The following LFNG variants were observed in gnomAD, a reference collection of about 807,000 sequenced individuals.
LFNG encodes the protein beta-1,3-N-acetylglucosaminyltransferase lunatic fringe.
In LFNG, 15 loss-of-function variants were observed where a neutral mutation model predicts 32.7. The observed-to-expected ratio is 0.46, with a 90% CI of 0.31 to 0.71. LFNG has a LOEUF of 0.71. Ranked by LOEUF, LFNG falls within the 30% of genes least tolerant of loss-of-function variation. The probability of loss-of-function intolerance (pLI) is 0.06; values close to 1 mark genes in which losing one functional copy is unlikely to be tolerated. For missense variants in LFNG, 520 were observed against 545.7 expected, an observed-to-expected ratio of 0.95 and a Z score of 0.47; for synonymous variants, 274 against 246.8, an observed-to-expected ratio of 1.11 and a Z score of -1.03.
rs1227321103 is a variant in LFNG, at chr7:2,527,193, C to G, written c.1121C>G (p.Pro374Arg). 7 of 1,612,826 alleles carry G rather than the reference C, an allele frequency of 4.3e-6. No homozygotes were observed. The highest frequency in any genetic ancestry group is 5.1e-6 in the Non-Finnish European group (6 of 1,179,976). ...CHLYPDTPWC[P>R]RTAIF ...CTGTACCCGGACACACCCTGGTGTC[C>G]CCGCACTGCCATCTTCTAGTGGCCA... The change falls in exon 8 of 8, where the codon CCC becomes CGC. Residue 374 changes from proline (P) to arginine (R), a missense_variant. Physicochemically the swap from Pro to Arg is moderately radical, Grantham distance 103. Around this residue, in one of 3 missense-constraint regions of LFNG, gnomAD observed 150 missense variants for 159.9 expected, o/e 0.94. Coordinates refer to ENST00000222725, the MANE Select transcript of LFNG (RefSeq NM_001040167.2). This position sits in a 1 kb window ranked among gnomAD's most constrained non-coding sequence, Gnocchi z 4.4.
chr7:2,524,866 T>TA, intron 2 of LFNG, 123 bp downstream of exon 2: 1 of 920,800 alleles, frequency 1.1e-6, no homozygotes, highest in African/African-American at 1.6e-5. Flanking sequence ...GAGGGCAGTT[T>TA]ACTCATGGGG....
At position 2,519,851 on chromosome 7, in the gene LFNG, G is replaced by T; in HGVS notation, c.-11G>T. The T allele has an allele frequency of 9.2e-7, 1 of 1,081,352 alleles. No individual in the cohort carries two copies. Among genetic ancestry groups the T allele is most frequent in the Non-Finnish European group, 1.1e-6 (1 of 892,742 alleles). The allele number at this position is 1,081,352 out of a possible 1,614,324, so 67.0% of individuals were successfully genotyped here. A position where few individuals can be genotyped will look rare whatever the true frequency, so the allele number is the denominator to read the frequency against. ...ACGGGGAAGGGCGCGCCGCGCGGCC[G>T]CCACCCCACCATGCTCAAGCGCTGC... On this transcript the variant is annotated 5_prime_UTR_variant, in exon 1 of 8. Transcript: ENST00000222725.
rs934413059 is a variant in LFNG, at chr7:2,520,694, A to G, written c.432+401A>G. ...CAGCTCAGACCCCTTCCTGGGGAGA[A>G]AGGCTCTTCCTTTAGAGAAGTGAGG... is the stretch of plus-strand genomic sequence containing the variant. On this transcript the variant is annotated intron_variant, in intron 1 of 7. Transcript: ENST00000222725. This position sits in a 1 kb window ranked among gnomAD's most constrained non-coding sequence, Gnocchi z 5.0. Among the ~76,000 whole-genome samples the G allele has an allele frequency of 6.6e-6, 1 of 152,244 alleles. No individual in the cohort carries two copies. Among genetic ancestry groups the G allele is most frequent in the Non-Finnish European group, 1.5e-5 (1 of 68,042 alleles).
At chr7:2,518,592 G>C, upstream of LFNG, 2 of 1,610,256 alleles carry the variant, frequency 1.2e-6, no homozygotes, top group Non-Finnish European at 1.7e-6. Context: ...CTGACATTCA[G>C]GTAGAGGTAA....
chr7:2,527,419 G>T lies in LFNG; in HGVS notation c.*207G>T. 6.9e-7 allele frequency: 1 copy of T among 1,457,272 alleles called. No homozygotes were observed. The highest frequency in any genetic ancestry group is 9.1e-7 in the Non-Finnish European group (1 of 1,104,296). The allele number at this position is 1,457,272 out of a possible 1,614,324, so 90.3% of individuals were successfully genotyped here. On this transcript the variant is annotated 3_prime_UTR_variant, in exon 8 of 8. Coordinates refer to ENST00000222725, the MANE Select transcript of LFNG (RefSeq NM_001040167.2). The surrounding 1 kb of genome is among the most constrained non-coding windows in gnomAD (Gnocchi z 4.4). Reference sequence around the variant, plus strand: ...GCTCTGTGGAGGGGCGGGCACCAGCGCCACTTATGTGCCTCTGCTCCGAGG... The same window carrying T: ...GCTCTGTGGAGGGGCGGGCACCAGCTCCACTTATGTGCCTCTGCTCCGAGG...
intron 1 of LFNG, among the ~76,000 whole-genome samples, chr7:2,523,431 C>T (rs1362742279): frequency 6.6e-6 from 1 of 152,230 alleles, no homozygotes; most frequent in African/African-American, 2.4e-5. Context: ...GTTCCAGGGC[C>T]TCTGCGGGAC....
chr7:2,513,959 T>C (rs1270722507), upstream of LFNG, among the ~76,000 whole-genome samples: 2 of 152,244 alleles, frequency 1.3e-5, no homozygotes, highest in Admixed American at 1.3e-4. Context: ...CTGAGGCCCC[T>C]TGCTGTTCCT....
In LFNG at chr7:2,520,733, G is replaced by C. The variant is rs1264685671; in HGVS notation, c.432+440G>C. ...AGAGAAGTGAGGGGTTCTGACCTCT[G>C]GGCCCTTTCCTCATCACAGTGTTAA... is the stretch of plus-strand genomic sequence containing the variant. On this transcript the variant is annotated intron_variant, in intron 1 of 7. Coordinates refer to ENST00000222725, the MANE Select transcript of LFNG (RefSeq NM_001040167.2). The surrounding 1 kb of genome is among the most constrained non-coding windows in gnomAD (Gnocchi z 5.0). 6.6e-6 allele frequency among the ~76,000 whole-genome samples: 1 copy of C among 152,228 alleles called. No homozygotes were observed. Among genetic ancestry groups the C allele is most frequent in the Non-Finnish European group, 1.5e-5 (1 of 68,054 alleles).
At chr7:2,518,630 A>C (rs1347061158), upstream of LFNG, 11 of 1,606,682 alleles carry the variant, frequency 6.8e-6, no homozygotes, top group African/African-American at 4.0e-5. Context: ...GCACTTAAAG[A>C]ATTTAAAATG....
chr7:2,525,632 AC>A (rs1168816503), intron 4 of LFNG, 52 bp from the exon 5 acceptor site: 2 of 1,611,684 alleles, frequency 1.2e-6, no homozygotes, highest in Non-Finnish European at 1.7e-6. Flanking sequence ...TGGGGGTGGG[AC>A]CGTGAGGGGC....
chr7:2,527,056 G>A lies in LFNG; in HGVS notation c.1074-90G>A. 6.8e-7 allele frequency: 1 copy of A among 1,461,554 alleles called. No homozygotes were observed. Among genetic ancestry groups the A allele is most frequent in the Non-Finnish European group, 9.5e-7 (1 of 1,050,390 alleles). 90.5% of individuals were successfully genotyped at this position (1,461,554 alleles called of 1,614,324 possible). A position where few individuals can be genotyped will look rare whatever the true frequency, so the allele number is the denominator to read the frequency against. ...TGTCCCCCGGAGTCCTGCTTGCTCG[G>A]GGTGGGGCCGCCAGTGTTGTGGGAC... is the stretch of plus-strand genomic sequence containing the variant. On this transcript the variant is annotated intron_variant, in intron 7 of 7. Coordinates refer to ENST00000222725, the MANE Select transcript of LFNG (RefSeq NM_001040167.2). This position sits in a 1 kb window ranked among gnomAD's most constrained non-coding sequence, Gnocchi z 4.4.
At chr7:2,524,608 A>G in intron 1 of LFNG, 87 bp from the exon 2 acceptor site, 1 of 1,287,180 alleles carries the variant, frequency 7.8e-7, no homozygotes. Context: ...AGCTGCAGCA[A>G]CTCCAGGGCG....
intron 1 of LFNG, among the ~76,000 whole-genome samples, chr7:2,524,022 T>C (rs1363826630): frequency 6.6e-6 from 1 of 152,106 alleles, no homozygotes; most frequent in Non-Finnish European, 1.5e-5. Context: ...CCAGGCCAGC[T>C]GTATGGTAAT....
Position 2,526,763 on chromosome 7 carries a change from C to T in LFNG, c.988-73C>T. On this transcript the variant is annotated intron_variant, in intron 6 of 7. Transcript: ENST00000222725. The surrounding 1 kb of genome is among the most constrained non-coding windows in gnomAD (Gnocchi z 6.9). ...GGCAGGGCCGTTGCCTCACTCAGGG[C>T]TGTGTGGCCAGCCTGGGGCGGGGCC... 2 of 1,425,172 alleles carry T rather than the reference C, an allele frequency of 1.4e-6. No homozygotes were observed. The highest frequency in any genetic ancestry group is 2.0e-6 in the Non-Finnish European group (2 of 1,013,098). 88.3% of individuals were successfully genotyped at this position (1,425,172 alleles called of 1,614,324 possible).
At chr7:2,517,782 G>C, upstream of LFNG, 1 of 878,350 alleles carries the variant, frequency 1.1e-6, no homozygotes, top group African/African-American at 1.7e-5. Context: ...GAGGGATTGG[G>C]CCTCAAGAAA....
rs1328901551 is a variant in LFNG, at chr7:2,524,502, C to T, written c.433-193C>T. ...GGGCGAGTGAATGCGTGAGCTCTGG[C>T]CCAGATGGCACTGAGATGGGGCACT... On this transcript the variant is annotated intron_variant, in intron 1 of 7. Coordinates refer to ENST00000222725, the MANE Select transcript of LFNG (RefSeq NM_001040167.2). 5 of 654,552 alleles carry T rather than the reference C, an allele frequency of 7.6e-6. No homozygotes were observed. In the African/African-American group the frequency reaches 8.9e-5, roughly 12 times the overall value. The allele number at this position is 654,552 out of a possible 1,614,324, so 40.5% of individuals were successfully genotyped here.
At chr7:2,521,489 C>T (rs1056427892) in intron 1 of LFNG, among the ~76,000 whole-genome samples, 1 of 152,240 alleles carries the variant, frequency 6.6e-6, no homozygotes. Context: ...CTACGCGCTC[C>T]GTGGGAACCG....
At chr7:2,514,954 T>C (rs13244890), upstream of LFNG, among the ~76,000 whole-genome samples, 4 of 142,152 alleles carry the variant, frequency 2.8e-5, no homozygotes, top group Non-Finnish European at 4.6e-5. Flanking sequence ...ATCTATCCAT[T>C]CATCCATCTA....
In LFNG at chr7:2,525,560, A is replaced by C; in HGVS notation, c.728A>C (p.Asn243Thr). Residue 243 changes from asparagine to threonine, a missense_variant, in exon 4 of 8, where the codon AAC (asparagine) becomes ACC (threonine). Physicochemically the swap from Asn to Thr is moderately conservative, Grantham distance 65 (BLOSUM62 0). Around this residue, in one of 3 missense-constraint regions of LFNG, gnomAD observed 360 missense variants for 354.7 expected, o/e 1.01. Coordinates refer to ENST00000222725, the MANE Select transcript of LFNG (RefSeq NM_001040167.2). Reference protein sequence around the residue: ...PIQAMERVSENKVRPVHFWFA... With the variant: ...PIQAMERVSETKVRPVHFWFA... Reference sequence around the variant, plus strand: ...CAGGCCATGGAGCGGGTCAGCGAGAACAAGGTGGTGAGTGCCTGCCCCTCC... The same window carrying C: ...CAGGCCATGGAGCGGGTCAGCGAGACCAAGGTGGTGAGTGCCTGCCCCTCC... The C allele has an allele frequency of 4.3e-6, 7 of 1,612,432 alleles. No individual in the cohort carries two copies. Among genetic ancestry groups the C allele is most frequent in the Non-Finnish European group, 5.9e-6 (7 of 1,179,822 alleles).
Sources: gnomAD v4.1 joint callset for allele counts (sites outside exome capture counted in the v4.1 genomes callset) on GRCh38, gnomAD v4.1.1 for gene constraint, gnomAD v4.1.1 regional missense constraint, Gnocchi (gnomAD v3.1) non-coding constraint, MANE v1.5 for transcripts, NCBI Gene and HGNC (gene_info 2026-07-23, HGNC 2026-07-21) for gene names.